The following PCDHA8 variants were observed in gnomAD, a reference collection of about 807,000 sequenced individuals.
PCDHA8 encodes protocadherin alpha-8.
PCDHA8 carries 53 observed loss-of-function variants against 61.8 expected under a neutral mutation model. The ratio of observed to expected loss-of-function variants is 0.86; its 90% CI spans 0.69 to 1.08. PCDHA8 has a LOEUF of 1.08. Ranked by LOEUF, PCDHA8 falls within the 50% of genes least tolerant of loss-of-function variation. The pLI is 0.00. For missense variants in PCDHA8, 1,293 were observed against 1,245.0 expected, an observed-to-expected ratio of 1.04 and a Z score of -0.58; for synonymous variants, 618 against 556.6, an observed-to-expected ratio of 1.11 and a Z score of -1.55.
intron 2 of PCDHA8, 103 bp downstream of exon 2, chr5:140,979,110 C>G (rs1223081047): frequency 4.6e-5 from 69 of 1,515,610 alleles, no homozygotes; most frequent in Non-Finnish European, 5.9e-5. Flanking sequence ...AACTAAAAAG[C>G]TTTAGGTACT....
chr5:140,936,640 C>G (rs782162757), intron 1 of PCDHA8, among the ~76,000 whole-genome samples: 3 of 152,208 alleles, frequency 2.0e-5, no homozygotes, highest in African/African-American at 7.2e-5. Context: ...TCATAAGCAA[C>G]GTGACTTTAT....
chr5:140,896,980 C>A (rs2065827913), intron 1 of PCDHA8, among the ~76,000 whole-genome samples: 1 of 152,032 alleles, frequency 6.6e-6, no homozygotes, highest in South Asian at 2.1e-4. Context: ...ACAAACAAAC[C>A]AGTTATGCTC....
chr5:140,923,974 C>G (rs2081604148), intron 1 of PCDHA8, among the ~76,000 whole-genome samples: 1 of 152,212 alleles, frequency 6.6e-6, no homozygotes, highest in South Asian at 2.1e-4. Context: ...CCCACACATA[C>G]TATCCCTCTA....
chr5:140,855,192 C>T (rs2150331288), intron 1 of PCDHA8, among the ~76,000 whole-genome samples: 1 of 149,878 alleles, frequency 6.7e-6, no homozygotes, highest in South Asian at 2.1e-4. Context: ...AAATTGAGGC[C>T]TGAGAATAGT....
At chr5:140,897,782 T>G (rs1378743158) in intron 1 of PCDHA8, among the ~76,000 whole-genome samples, 6 of 152,182 alleles carry the variant, frequency 3.9e-5, no homozygotes, top group Admixed American at 3.9e-4. Flanking sequence ...CCACAATGGT[T>G]GAACTAGTTT....
chr5:140,975,763 C>A (rs2096681691), intron 1 of PCDHA8, among the ~76,000 whole-genome samples: 1 of 152,140 alleles, frequency 6.6e-6, no homozygotes, highest in Non-Finnish European at 1.5e-5. Context: ...TGTCATAAAT[C>A]ACAGATAATA....
intron 1 of PCDHA8, among the ~76,000 whole-genome samples, chr5:140,972,181 AC>A: frequency 6.6e-6 from 1 of 152,234 alleles, no homozygotes; most frequent in Admixed American, 6.5e-5. Flanking sequence ...TTGGCCTGTC[AC>A]CCAGGCTGGA....
chr5:140,965,168 T>C (rs1484687706), intron 1 of PCDHA8, among the ~76,000 whole-genome samples: 1 of 152,180 alleles, frequency 6.6e-6, no homozygotes, highest in Non-Finnish European at 1.5e-5. Context: ...GACGTTTTAG[T>C]GAGTGCTTTT....
At chr5:140,906,502 C>G (rs182726471) in intron 1 of PCDHA8, among the ~76,000 whole-genome samples, 2 of 152,298 alleles carry the variant, frequency 1.3e-5, no homozygotes, top group African/African-American at 4.8e-5. Context: ...ATGTTTTTAA[C>G]AAAGAAGGAG....
intron 1 of PCDHA8, chr5:140,927,790 G>C: frequency 6.2e-7 from 1 of 1,614,218 alleles, no homozygotes; most frequent in Non-Finnish European, 8.5e-7. Flanking sequence ...TGCTTCACTA[G>C]GTCCGCCTGA....
At chr5:140,933,988 G>C (rs1156532752) in intron 1 of PCDHA8, among the ~76,000 whole-genome samples, 1 of 151,832 alleles carries the variant, frequency 6.6e-6, no homozygotes, top group Non-Finnish European at 1.5e-5. Context: ...CCTGGTGTTA[G>C]TGTCACCTCT....
chr5:140,869,508 C>G, intron 1 of PCDHA8: 1 of 1,614,196 alleles, frequency 6.2e-7, no homozygotes. Context: ...TGTTCTCGCT[C>G]AGAGAACAAA....
chr5:140,862,833 G>A (rs868966696), intron 1 of PCDHA8: 1 of 575,582 alleles, frequency 1.7e-6, no homozygotes, highest in Non-Finnish European at 3.3e-6. Flanking sequence ...CGCGCGACGC[G>A]GGCATGCCGC....
At chr5:140,919,823 T>C (rs1554199267) in intron 1 of PCDHA8, among the ~76,000 whole-genome samples, 1 of 152,222 alleles carries the variant, frequency 6.6e-6, no homozygotes, top group Non-Finnish European at 1.5e-5. Flanking sequence ...AAAATATATG[T>C]CCACATAGTA....
chr5:140,873,557 T>C (rs1347474996), intron 1 of PCDHA8, among the ~76,000 whole-genome samples: 1 of 150,760 alleles, frequency 6.6e-6, no homozygotes, highest in Non-Finnish European at 1.5e-5. Context: ...TTTCAATTTA[T>C]TTTCTAGTTT....
intron 1 of PCDHA8, chr5:140,861,550 T>G: frequency 2.4e-6 from 1 of 415,394 alleles, no homozygotes; most frequent in South Asian, 2.1e-5. Flanking sequence ...CACCTGGAAG[T>G]GATCGTGGAC....
At position 140,841,311 on chromosome 5, in the gene PCDHA8, G is replaced by A. The variant is rs1312688051; in HGVS notation, c.-11G>A. 11 of 1,582,128 alleles carry A rather than the reference G, an allele frequency of 7.0e-6. No homozygotes were observed. The highest frequency in any genetic ancestry group is 8.6e-6 in the Non-Finnish European group (10 of 1,164,988). On this transcript the variant is annotated 5_prime_UTR_variant, in exon 1 of 4. Transcript: ENST00000531613. ...AAGATAATATTTTCTGATAGGAAAC[G>A]ACTATTTAACATGGATTATCACTGG...
At chr5:141,008,784 A>G (rs541946217) in intron 3 of PCDHA8, among the ~76,000 whole-genome samples, 2 of 152,320 alleles carry the variant, frequency 1.3e-5, no homozygotes, top group East Asian at 3.9e-4. Flanking sequence ...ATTGGCTCCC[A>G]GTGTTTTATC....
intron 1 of PCDHA8, among the ~76,000 whole-genome samples, chr5:140,908,701 C>A (rs2074102440): frequency 6.6e-6 from 1 of 152,218 alleles, no homozygotes; most frequent in Admixed American, 6.5e-5. Context: ...ACACCTCAAG[C>A]ACCATTGGAT....
Sources: gnomAD v4.1 joint callset for allele counts (sites outside exome capture counted in the v4.1 genomes callset) on GRCh38, gnomAD v4.1.1 for gene constraint, MANE v1.5 for transcripts, NCBI Gene and HGNC (gene_info 2026-07-23, HGNC 2026-07-21) for gene names.